The following TGM6 variants were observed in gnomAD, a reference collection of about 807,000 sequenced individuals.
TGM6 encodes protein-glutamine gamma-glutamyltransferase 6.
Under a neutral mutation model 77.5 loss-of-function variants are expected in TGM6, and 74 were observed. That is an observed-to-expected ratio of 0.96 (90% confidence interval 0.79 to 1.16). The LOEUF (loss-of-function observed/expected upper bound fraction) is 1.16, where lower values mean the gene tolerates loss of function less well. Ranked by LOEUF, TGM6 falls within the 50% of genes most tolerant of loss-of-function variation. The probability of loss-of-function intolerance (pLI) is 0.00; values close to 1 mark genes in which losing one functional copy is unlikely to be tolerated. For synonymous variants in TGM6, 383 were observed against 378.9 expected, an observed-to-expected ratio of 1.01 and a Z score of -0.12; for missense variants, 968 against 940.2, an observed-to-expected ratio of 1.03 and a Z score of -0.39.
intron 1 of TGM6, among the ~76,000 whole-genome samples, chr20:2,387,305 G>A (rs1378472090): frequency 6.6e-6 from 1 of 152,194 alleles, no homozygotes; most frequent in Non-Finnish European, 1.5e-5. Context: ...CTAACTTGAT[G>A]TGAAAGATTT....
chr20:2,424,415 C>G lies in TGM6; in HGVS notation c.1679-6031C>G, dbSNP rs187249051. ...TTTATGTTATAGAGATGGCGTCTTT[C>G]CTTAAACCTTATGAACCAACCTGTG... On this transcript the variant is annotated intron_variant, in intron 10 of 12. Transcript: ENST00000202625. 5.9e-5 allele frequency among the ~76,000 whole-genome samples: 9 copies of G among 152,304 alleles called. No homozygotes were observed. In the East Asian group the frequency reaches 1.7e-3, roughly 29 times the overall value.
In TGM6 at chr20:2,403,478, C is replaced by T. The variant is rs553470142; in HGVS notation, c.1071C>T (p.Ala357=). The T allele has an allele frequency of 1.7e-5, 28 of 1,614,170 alleles. No homozygotes were observed. Among genetic ancestry groups the T allele is most frequent in the Admixed American group, 1.5e-4 (9 of 60,028 alleles). ...PSYNGWQVLD[A]TPQEESEGVF... is the part of the protein sequence containing the mutation. ...ACAATGGCTGGCAGGTTCTGGATGCCACCCCCCAGGAGGAGAGTGAAGGTA... is the reference window on the plus strand; with the variant it reads ...ACAATGGCTGGCAGGTTCTGGATGCTACCCCCCAGGAGGAGAGTGAAGGTA... The change falls in exon 8 of 13, where the codon GCC becomes GCT. Residue 357 remains alanine, a synonymous_variant. Transcript: ENST00000202625.
chr20:2,427,579 T>C (rs768927841), intron 10 of TGM6, among the ~76,000 whole-genome samples: 4 of 152,254 alleles, frequency 2.6e-5, no homozygotes, highest in African/African-American at 4.8e-5. Context: ...TTTCTTCTGC[T>C]TAAGATGAGT....
chr20:2,391,510 G>C (rs2084629621), intron 1 of TGM6, among the ~76,000 whole-genome samples: 1 of 151,910 alleles, frequency 6.6e-6, no homozygotes, highest in South Asian at 2.1e-4. Flanking sequence ...GGGGGTGGGG[G>C]GTGAGCTGGA....
rs1376338253 is a variant in TGM6, at chr20:2,430,599, A to G, written c.1832A>G (p.Lys611Arg). ...DITLEDFITI[K>R]VLGPAMVGVA... The stretch of plus-strand genomic sequence containing the variant: ...ACTCTAGAGGACTTCATCACCATCA[A>G]GGTGACCTCAGCCTGCATCTACCAT... Residue 611 changes from lysine (K) to arginine (R), a missense_variant and splice_region_variant, in exon 11 of 13, where the codon AAG becomes AGG. Physicochemically the swap from Lys to Arg is conservative, Grantham distance 26. Coordinates refer to ENST00000202625, the MANE Select transcript of TGM6 (RefSeq NM_198994.3). 1.9e-6 allele frequency: 3 copies of G among 1,613,952 alleles called. No homozygotes were observed. The highest frequency in any genetic ancestry group is 2.5e-6 in the Non-Finnish European group (3 of 1,180,042).
At chr20:2,430,772 T>C (rs1022747227) in intron 11 of TGM6, 122 bp from the exon 12 acceptor site, 4 of 1,589,148 alleles carry the variant, frequency 2.5e-6, no homozygotes, top group East Asian at 2.2e-5. Flanking sequence ...CACTCAGCAA[T>C]GGGGTATATG....
At position 2,399,698 on chromosome 20, in the gene TGM6, G is replaced by C. The variant is rs746552235; in HGVS notation, c.810G>C (p.Lys270Asn). 6.2e-7 allele frequency: 1 copy of C among 1,614,122 alleles called. No homozygotes were observed. Among genetic ancestry groups the C allele is most frequent in the South Asian group, 1.1e-5 (1 of 91,080 alleles). The change falls in exon 6 of 13, where the codon AAG becomes AAC. Residue 270 changes from lysine to asparagine, a missense_variant. By Grantham distance (94) the Lys-to-Asn change is moderately conservative. Transcript: ENST00000202625. ...KWLKGRYKPV[K>N]YGQCWVFAGV... ...TCAAGGGCAGGTACAAGCCAGTCAA[G>C]TACGGCCAGTGCTGGGTCTTCGCCG...
chr20:2,411,974 A>T (rs1382330904), intron 9 of TGM6, among the ~76,000 whole-genome samples: 1 of 152,204 alleles, frequency 6.6e-6, no homozygotes, highest in African/African-American at 2.4e-5. Context: ...AGATATTTGT[A>T]CACCCATGTT....
chr20:2,395,721 C>T (rs1296155419), intron 3 of TGM6, among the ~76,000 whole-genome samples: 1 of 152,194 alleles, frequency 6.6e-6, no homozygotes, highest in Non-Finnish European at 1.5e-5. Flanking sequence ...CTGTGCTGAG[C>T]TGCTCTCCTC....
chr20:2,432,476 TCCCC>T lies in TGM6; in HGVS notation c.1968-13_1968-10del. 1 of 1,613,620 alleles carries T rather than the reference TCCCC, an allele frequency of 6.2e-7. No homozygotes were observed. The highest frequency in any genetic ancestry group is 8.5e-7 in the Non-Finnish European group (1 of 1,179,888). On this transcript the variant is annotated splice_polypyrimidine_tract_variant and intron_variant, in intron 12 of 12. Coordinates refer to ENST00000202625, the MANE Select transcript of TGM6 (RefSeq NM_198994.3). ...GGACTGACAGTCTGCCTTTCTCCCC[TCCCC>T]TTCCTCCAGCGTGCCTACCCTGGAG... is the stretch of plus-strand genomic sequence containing the variant.
chr20:2,400,401 T>C lies in TGM6; in HGVS notation c.946T>C (p.Ser316Pro). ...QNLSVDKYVD[S>P]FGRTLEDLTE... ...CCTGAGTGTGGACAAATACGTGGAC[T>C]CCTTCGGGCGGACCCTGGAGGACCT... Residue 316 changes from serine (S) to proline (P), a missense_variant, in exon 7 of 13, where the codon TCC becomes CCC. Ser to Pro is a moderately conservative substitution (Grantham distance 74). Coordinates refer to ENST00000202625, the MANE Select transcript of TGM6 (RefSeq NM_198994.3). 2 of 1,614,152 alleles carry C rather than the reference T, an allele frequency of 1.2e-6. No individual in the cohort carries two copies. The highest frequency in any genetic ancestry group is 1.7e-6 in the Non-Finnish European group (2 of 1,180,038).
At chr20:2,401,976 A>C (rs1298636897) in intron 7 of TGM6, among the ~76,000 whole-genome samples, 2 of 152,130 alleles carry the variant, frequency 1.3e-5, no homozygotes, top group Non-Finnish European at 2.9e-5. Context: ...GGTGGCTCGC[A>C]CCTGTAATCC....
intron 10 of TGM6, among the ~76,000 whole-genome samples, chr20:2,420,805 G>A (rs551604694): frequency 2.6e-5 from 4 of 152,086 alleles, no homozygotes; most frequent in Admixed American, 6.6e-5. Context: ...GATCCCTTAC[G>A]GTTTTTGTGT....
chr20:2,381,765 A>G (rs1218153576), intron 1 of TGM6, among the ~76,000 whole-genome samples: 2 of 152,180 alleles, frequency 1.3e-5, no homozygotes, highest in Non-Finnish European at 2.9e-5. Flanking sequence ...AAAAAATACA[A>G]CAATTAGCTA....
chr20:2,430,817 C>G (rs2084918920), intron 11 of TGM6, 77 bp from the exon 12 acceptor site: 65 of 1,612,626 alleles, frequency 4.0e-5, no homozygotes, highest in Non-Finnish European at 5.4e-5. Flanking sequence ...GATCCATCCT[C>G]TAACTCAGCC....
chr20:2,399,862 G>A (rs930823583), intron 6 of TGM6, 124 bp downstream of exon 6: 13 of 893,068 alleles, frequency 1.5e-5, no homozygotes, highest in South Asian at 3.1e-5. Context: ...CAGGGAGAAC[G>A]AAGTCTGGCT....
intron 4 of TGM6, 55 bp downstream of exon 4, chr20:2,396,679 T>C: frequency 6.5e-7 from 1 of 1,546,834 alleles, no homozygotes; most frequent in Non-Finnish European, 8.9e-7. Context: ...GGGAGGTCGG[T>C]GGGACTGGAG....
intron 3 of TGM6, 40 bp downstream of exon 3, chr20:2,395,476 G>T (rs764349318): frequency 1.2e-6 from 2 of 1,614,148 alleles, no homozygotes; most frequent in Admixed American, 1.7e-5. Flanking sequence ...TTTTCCAAAA[G>T]ACATCCTTAG....
chr20:2,408,525 T>C (rs1235568983), intron 9 of TGM6, among the ~76,000 whole-genome samples: 1 of 152,196 alleles, frequency 6.6e-6, no homozygotes, highest in African/African-American at 2.4e-5. Context: ...TTTTGTTCAT[T>C]GCCGTATCCC....
Sources: gnomAD v4.1 joint callset for allele counts (sites outside exome capture counted in the v4.1 genomes callset) on GRCh38, gnomAD v4.1.1 for gene constraint, MANE v1.5 for transcripts, NCBI Gene and HGNC (gene_info 2026-07-23, HGNC 2026-07-21) for gene names.